Variants in ATXN7L1 observed in about 807,000 individuals in gnomAD.
ATXN7L1 encodes ataxin 7 like 1.
Under a neutral mutation model 70.8 loss-of-function variants are expected in ATXN7L1, and 15 were observed. That is an observed-to-expected ratio of 0.21 (90% confidence interval 0.14 to 0.33). The LOEUF is 0.33. Among genes scored for constraint, ATXN7L1 ranks in the 10% least tolerant of loss-of-function variants. The probability of loss-of-function intolerance (pLI) is 1.00; values close to 1 mark genes in which losing one functional copy is unlikely to be tolerated. For synonymous variants in ATXN7L1, 440 were observed against 445.1 expected (o/e 0.99, Z 0.14); for missense variants, 975 against 1,097.1 (o/e 0.89, Z 1.57).
rs536260 is a variant in ATXN7L1, at chr7:105,719,327, G to A, written c.356-54039C>T. On this transcript the variant is annotated intron_variant, in intron 3 of 11. Coordinates refer to ENST00000419735, the MANE Select transcript of ATXN7L1 (RefSeq NM_020725.2). ...CACAGAGTAGCCCCCGCCCTACAGGGTCTAGTTCAAGGACCCTCATGAAGT... is the reference window on the plus strand; with the variant it reads ...CACAGAGTAGCCCCCGCCCTACAGGATCTAGTTCAAGGACCCTCATGAAGT... Among the ~76,000 whole-genome samples the A allele has an allele frequency of 5.2e-4, 79 of 152,228 alleles. No individual in the cohort carries two copies. The East Asian group carries it at 9.8e-3, about 19-fold the overall frequency.
At chr7:105,653,533 G>A (rs897517901) in intron 4 of ATXN7L1, among the ~76,000 whole-genome samples, 4 of 152,200 alleles carry the variant, frequency 2.6e-5, no homozygotes, top group Non-Finnish European at 5.9e-5. Flanking sequence ...CTGAAATTCA[G>A]TCACTCACAA....
chr7:105,629,238 T>A (rs1796214120), intron 7 of ATXN7L1, among the ~76,000 whole-genome samples: 1 of 152,138 alleles, frequency 6.6e-6, no homozygotes, highest in African/African-American at 2.4e-5. Flanking sequence ...GTATTCATCT[T>A]GTAACTGAAA....
chr7:105,805,951 T>C (rs981396394), intron 2 of ATXN7L1, among the ~76,000 whole-genome samples: 11 of 151,996 alleles, frequency 7.2e-5, no homozygotes, highest in African/African-American at 2.7e-4. Context: ...AGTGATCGGG[T>C]GTTTGTTTTG....
At chr7:105,692,863 A>C (rs1563010663) in intron 3 of ATXN7L1, among the ~76,000 whole-genome samples, 1 of 151,468 alleles carries the variant, frequency 6.6e-6, no homozygotes, top group South Asian at 2.1e-4. Context: ...TCAGCCTCCT[A>C]AGGAGCCGCA....
At chr7:105,871,411 A>G (rs888205128) in intron 2 of ATXN7L1, among the ~76,000 whole-genome samples, 16 of 152,162 alleles carry the variant, frequency 1.1e-4, no homozygotes, top group Admixed American at 4.6e-4. Flanking sequence ...AGGTGATGAC[A>G]ACATTCAAAA....
chr7:105,791,187 T>C (rs1486907664), intron 2 of ATXN7L1, among the ~76,000 whole-genome samples: 2 of 152,236 alleles, frequency 1.3e-5, no homozygotes, highest in African/African-American at 4.8e-5. Context: ...TGACTCACAC[T>C]GTAGGGGCCT....
chr7:105,807,929 A>G (rs1038592074), intron 2 of ATXN7L1, among the ~76,000 whole-genome samples: 7 of 152,254 alleles, frequency 4.6e-5, no homozygotes, highest in African/African-American at 1.4e-4. Context: ...GTTGCACAGC[A>G]AAAGCTAGCT....
intron 2 of ATXN7L1, among the ~76,000 whole-genome samples, chr7:105,833,177 G>C (rs1811878615): frequency 6.6e-6 from 1 of 152,208 alleles, no homozygotes; most frequent in East Asian, 1.9e-4. Context: ...CAGGGTCCTT[G>C]GATCTGCTGG....
rs530462258 is a variant in ATXN7L1, at chr7:105,665,275, A to C, written c.369T>G (p.Gly123=). 1.3e-6 allele frequency: 2 copies of C among 1,551,336 alleles called. No homozygotes were observed. The highest frequency in any genetic ancestry group is 1.7e-6 in the Non-Finnish European group (2 of 1,146,872). ...VFQSHCERRH[G]SMCRPSPSPV... is the part of the protein sequence containing the mutation. Reference sequence around the variant, plus strand: ...GAGAGGGAGAAGGTCTACACATTGAACCGTGTCTTCTCTCTACAGGGGCAG... The same window carrying C: ...GAGAGGGAGAAGGTCTACACATTGACCCGTGTCTTCTCTCTACAGGGGCAG... Residue 123 remains glycine (G), a synonymous_variant, in exon 4 of 12, where the codon GGT becomes GGG. Transcript: ENST00000419735.
chr7:105,818,202 T>C (rs1809486413), intron 2 of ATXN7L1, among the ~76,000 whole-genome samples: 1 of 152,118 alleles, frequency 6.6e-6, no homozygotes, highest in African/African-American at 2.4e-5. Context: ...GGGGGTCTCA[T>C]TCTGTTGCCC....
intron 9 of ATXN7L1, among the ~76,000 whole-genome samples, chr7:105,619,518 ATATATATATATATTTTTTTTTTT>A (rs1241947989): frequency 2.4e-3 from 69 of 28,756 alleles, no homozygotes; most frequent in Non-Finnish European, 2.8e-3. Context: ...ATATATATAT[ATATATATATATATTTTTTTTTTT>A]TTTTTTTTTT....
At chr7:105,772,654 G>A (rs1006709260) in intron 3 of ATXN7L1, among the ~76,000 whole-genome samples, 3 of 152,270 alleles carry the variant, frequency 2.0e-5, no homozygotes, top group East Asian at 3.9e-4. Context: ...AGGTGTCAGA[G>A]TTACAGGAGA....
chr7:105,847,786 A>G (rs1025838623), intron 2 of ATXN7L1, among the ~76,000 whole-genome samples: 1 of 152,220 alleles, frequency 6.6e-6, no homozygotes, highest in African/African-American at 2.4e-5. Flanking sequence ...CCTGGCATAT[A>G]ATAGTTGTTC....
At chr7:105,636,159 C>T (rs1301205051) in intron 7 of ATXN7L1, among the ~76,000 whole-genome samples, 1 of 152,096 alleles carries the variant, frequency 6.6e-6, no homozygotes, top group East Asian at 1.9e-4. Flanking sequence ...CTTTGGGAGG[C>T]CGAGGTGGGC....
In ATXN7L1 at chr7:105,657,571, C is replaced by T. The variant is rs368094233; in HGVS notation, c.578+7495G>A. ...AATTAGCCAGGCACAGTAGTGTGTG[C>T]CTGTCGTCCCAGCTACCTGGGAGGT... On this transcript the variant is annotated intron_variant, in intron 4 of 11. Coordinates refer to ENST00000419735, the MANE Select transcript of ATXN7L1 (RefSeq NM_020725.2). 1.4e-4 allele frequency among the ~76,000 whole-genome samples: 21 copies of T among 151,644 alleles called. No individual in the cohort carries two copies. The East Asian group carries it at 2.7e-3, about 20-fold the overall frequency.
chr7:105,775,891 C>T (rs1436809828), intron 3 of ATXN7L1, among the ~76,000 whole-genome samples: 3 of 152,126 alleles, frequency 2.0e-5, no homozygotes, highest in Non-Finnish European at 4.4e-5. Flanking sequence ...GACCTCTTGG[C>T]GCTTTAATGT....
chr7:105,755,576 C>T (rs916174400), intron 3 of ATXN7L1, among the ~76,000 whole-genome samples: 1 of 152,100 alleles, frequency 6.6e-6, no homozygotes, highest in African/African-American at 2.4e-5. Context: ...GTAGCCAGAG[C>T]CTAGAAAAGC....
At chr7:105,664,061 C>T (rs936682883) in intron 4 of ATXN7L1, among the ~76,000 whole-genome samples, 6 of 152,156 alleles carry the variant, frequency 3.9e-5, no homozygotes, top group South Asian at 2.1e-4. Flanking sequence ...TGAGCCACCA[C>T]GCCTGGCCAA....
At position 105,669,211 on chromosome 7, in the gene ATXN7L1, A is replaced by C. The variant is rs147855254; in HGVS notation, c.356-3923T>G. 1.5e-3 allele frequency among the ~76,000 whole-genome samples: 223 copies of C among 152,286 alleles called. 1 individual carries two copies. Among genetic ancestry groups the C allele is most frequent in the African/African-American group, 5.2e-3 (215 of 41,556 alleles). On this transcript the variant is annotated intron_variant, in intron 3 of 11. Transcript: ENST00000419735. ...ATTCTCCTGCCTCAGCCTCCTGAGT[A>C]GCTGCGATTACAGGTACGCACCACC... is the stretch of plus-strand genomic sequence containing the variant.
Sources: allele counts gnomAD v4.1 joint callset (sites outside exome capture counted in the v4.1 genomes callset), GRCh38; gene constraint gnomAD v4.1.1; transcripts MANE v1.5; gene names NCBI Gene and HGNC (gene_info 2026-07-23, HGNC 2026-07-21).